The following ZDHHC21 variants were observed in gnomAD, a reference collection of about 807,000 sequenced individuals.
The protein encoded by ZDHHC21 is zDHHC palmitoyltransferase 21.
ZDHHC21 carries 15 observed loss-of-function variants against 34.6 expected under a neutral mutation model. The observed-to-expected ratio is 0.43, with a 90% CI of 0.29 to 0.67. The LOEUF (loss-of-function observed/expected upper bound fraction) is 0.67. Among genes scored for constraint, ZDHHC21 ranks in the 30% least tolerant of loss-of-function variants. The pLI, the probability that ZDHHC21 is intolerant of heterozygous loss-of-function variation, is 0.14. For missense variants in ZDHHC21, 344 were observed against 327.7 expected (o/e 1.05, Z -0.38); for synonymous variants, 142 against 101.8 (o/e 1.40, Z -2.38).
chr9:14,642,332 T>G (rs370683011), intron 7 of ZDHHC21, among the ~76,000 whole-genome samples: 1 of 152,018 alleles, frequency 6.6e-6, no homozygotes, highest in Non-Finnish European at 1.5e-5. Context: ...TTTACTTCTG[T>G]CTTAGATTTT....
chr9:14,591,045 T>C, the ZDHHC21 span, among the ~76,000 whole-genome samples: 662 of 152,064 alleles, frequency 4.4e-3, 3 homozygotes, highest in African/African-American at 0.015. Flanking sequence ...TATCTAAGGG[T>C]AGTCTGTGAT....
chr9:14,630,407 G>C (rs1401289335), intron 8 of ZDHHC21, among the ~76,000 whole-genome samples: 1 of 152,082 alleles, frequency 6.6e-6, no homozygotes, highest in African/African-American at 2.4e-5. Context: ...TATTTCTCTT[G>C]TTATTTCTAG....
the ZDHHC21 span, chr9:14,589,929 G>C: frequency 6.6e-6 from 1 of 152,158 alleles, no homozygotes. Context: ...CTAAATATGG[G>C]AAGAAGCAAG....
intron 8 of ZDHHC21, among the ~76,000 whole-genome samples, chr9:14,635,615 G>A (rs571563936): frequency 3.9e-5 from 6 of 152,186 alleles, no homozygotes; most frequent in Non-Finnish European, 7.3e-5. Flanking sequence ...AAAAAGGCAC[G>A]TGATAACAAG....
rs986084819 is a variant in ZDHHC21, at chr9:14,612,140, A to G, written c.*6826T>C. On this transcript the variant is annotated 3_prime_UTR_variant, in exon 10 of 10. Transcript: ENST00000380916. ...TCAAATTTTGCTTTCACCTCTAATG[A>G]TATGTTCATCTAGATTTCTACATAT... 6 of 152,010 alleles carry G rather than the reference A, an allele frequency of 3.9e-5. No individual in the cohort carries two copies. Among genetic ancestry groups the G allele is most frequent in the African/African-American group, 7.2e-5 (3 of 41,438 alleles). 9.4% of individuals were successfully genotyped at this position (152,010 alleles called of 1,614,324 possible). A position where few individuals can be genotyped will look rare whatever the true frequency, so the allele number is the denominator to read the frequency against.
At chr9:14,626,709 T>G (rs1049486050) in intron 8 of ZDHHC21, among the ~76,000 whole-genome samples, 2 of 151,930 alleles carry the variant, frequency 1.3e-5, no homozygotes, top group Admixed American at 1.3e-4. Context: ...GCAAATGCCC[T>G]TGGCAAGGGG....
In ZDHHC21 at chr9:14,618,921, G is replaced by C; in HGVS notation, c.*45C>G. 6.5e-7 allele frequency: 1 copy of C among 1,527,316 alleles called. No homozygotes were observed. Among genetic ancestry groups the C allele is most frequent in the Non-Finnish European group, 8.8e-7 (1 of 1,136,036 alleles). The allele number at this position is 1,527,316 out of a possible 1,614,324, so 94.6% of individuals were successfully genotyped here. A position where few individuals can be genotyped will look rare whatever the true frequency, so the allele number is the denominator to read the frequency against. On this transcript the variant is annotated 3_prime_UTR_variant, in exon 10 of 10. Transcript: ENST00000380916. ...GTTCTATTATCATAAAACCTGTAAC[G>C]CATTGCCAGCATGGAGGACCCATCT... is the stretch of plus-strand genomic sequence containing the variant.
At chr9:14,677,424 T>C (rs1039674541) in intron 3 of ZDHHC21, 1 of 151,942 alleles carries the variant, frequency 6.6e-6, no homozygotes, top group Admixed American at 6.6e-5. Flanking sequence ...GTGCAAGATC[T>C]CTCCACTCAA....
chr9:14,650,244 CATT>C (rs1466035396), intron 7 of ZDHHC21, among the ~76,000 whole-genome samples: 3 of 151,864 alleles, frequency 2.0e-5, no homozygotes, highest in East Asian at 1.9e-4. Context: ...CTATATCTGA[CATT>C]ATTCTTTTCA....
intron 8 of ZDHHC21, among the ~76,000 whole-genome samples, chr9:14,623,589 T>C (rs529947749): frequency 7.2e-6 from 1 of 139,818 alleles, no homozygotes; most frequent in East Asian, 2.1e-4. Context: ...TCTGCAACTA[T>C]ACATCTGACA....
intron 7 of ZDHHC21, among the ~76,000 whole-genome samples, chr9:14,652,065 C>A (rs1831328699): frequency 6.6e-6 from 1 of 151,898 alleles, no homozygotes; most frequent in Non-Finnish European, 1.5e-5. Flanking sequence ...TGTCTAACAT[C>A]TGAAAAACTT....
At chr9:14,663,395 C>T (rs73644821) in intron 5 of ZDHHC21, among the ~76,000 whole-genome samples, 5,060 of 149,996 alleles carry the variant, frequency 0.034, 300 homozygotes, top group African/African-American at 0.12. Flanking sequence ...TGCTTGCTGA[C>T]ATATGAAAAG....
rs575189599 is a variant in ZDHHC21 at position 14,664,527 on chromosome 9, T to C, written c.254-2201A>G. On this transcript the variant is annotated intron_variant, in intron 5 of 9. Coordinates refer to ENST00000380916, the MANE Select transcript of ZDHHC21 (RefSeq NM_178566.6). Reference sequence around the variant, plus strand: ...CCACCACAGCTCAAGGAGGCCTGCCTGCCTCTGTAGGCTCCACCTCTGGGG... The same window carrying C: ...CCACCACAGCTCAAGGAGGCCTGCCCGCCTCTGTAGGCTCCACCTCTGGGG... Among the ~76,000 whole-genome samples the C allele has an allele frequency of 3.4e-4, 51 of 151,736 alleles. 1 individual carries two copies. Among genetic ancestry groups the C allele is most frequent in the African/African-American group, 1.1e-3 (47 of 41,368 alleles).
At chr9:14,596,264 C>A in the ZDHHC21 span, among the ~76,000 whole-genome samples, 1 of 152,196 alleles carries the variant, frequency 6.6e-6, no homozygotes, top group Non-Finnish European at 1.5e-5. Flanking sequence ...GTATGACCCC[C>A]CGTGTCTTTT....
chr9:14,657,948 A>C (rs991060294), intron 7 of ZDHHC21, among the ~76,000 whole-genome samples: 3 of 152,198 alleles, frequency 2.0e-5, no homozygotes, highest in African/African-American at 7.2e-5. Flanking sequence ...AAATTTATCT[A>C]TAAATAAGAT....
Position 14,618,436 on chromosome 9 carries a change from C to A in ZDHHC21, c.*530G>T, listed in dbSNP as rs989592432. 2 of 152,516 alleles carry A rather than the reference C, an allele frequency of 1.3e-5. No homozygotes were observed. The highest frequency in any genetic ancestry group is 4.8e-5 in the African/African-American group (2 of 41,420). 9.4% of individuals were successfully genotyped at this position (152,516 alleles called of 1,614,324 possible). On this transcript the variant is annotated 3_prime_UTR_variant, in exon 10 of 10. Coordinates refer to ENST00000380916, the MANE Select transcript of ZDHHC21 (RefSeq NM_178566.6). ...GCCCGTTTTGTGTTGCTGTTGTTCA[C>A]TCCTATGCTGCTGCATTTTTAAAAA...
At chr9:14,653,918 C>T (rs189669707) in intron 7 of ZDHHC21, among the ~76,000 whole-genome samples, 63 of 152,136 alleles carry the variant, frequency 4.1e-4, no homozygotes, top group African/African-American at 1.4e-3. Flanking sequence ...AAATACACAG[C>T]TGTTTAAAGA....
intron 8 of ZDHHC21, among the ~76,000 whole-genome samples, chr9:14,639,349 G>A (rs1221688602): frequency 6.6e-6 from 1 of 152,018 alleles, no homozygotes; most frequent in Non-Finnish European, 1.5e-5. Flanking sequence ...AGATACAAGA[G>A]GCTGGAAAGG....
At chr9:14,629,031 GTAATTC>G (rs1391004031) in intron 8 of ZDHHC21, among the ~76,000 whole-genome samples, 1 of 152,136 alleles carries the variant, frequency 6.6e-6, no homozygotes, top group African/African-American at 2.4e-5. Flanking sequence ...AAAATTCATT[GTAATTC>G]TAAAAAGTAC....
Sources: allele counts gnomAD v4.1 joint callset (sites outside exome capture counted in the v4.1 genomes callset), GRCh38; gene constraint gnomAD v4.1.1; transcripts MANE v1.5; gene names NCBI Gene and HGNC (gene_info 2026-07-23, HGNC 2026-07-21).